EPHA6: variants seen among roughly 807,000 people sequenced by gnomAD.
EPHA6 encodes the protein EPH receptor A6, also known as ephrin type-A receptor 6.
In EPHA6, 50 loss-of-function variants were observed where a neutral mutation model predicts 112.0. The ratio of observed to expected loss-of-function variants is 0.45; its 90% confidence interval spans 0.36 to 0.56. The LOEUF (loss-of-function observed/expected upper bound fraction) is 0.56. Among genes scored for constraint, EPHA6 ranks in the 20% least tolerant of loss-of-function variants. The pLI, the probability that EPHA6 is intolerant of heterozygous loss-of-function variation, is 0.00. For synonymous variants in EPHA6, 529 were observed against 490.7 expected, an observed-to-expected ratio of 1.08 and a Z score of -1.03; for missense variants, 1,280 against 1,417.4, an observed-to-expected ratio of 0.90 and a Z score of 1.56.
intron 7 of EPHA6, among the ~76,000 whole-genome samples, chr3:97,452,113 C>T (rs1013197918): frequency 1.2e-4 from 18 of 151,848 alleles, no homozygotes; most frequent in African/African-American, 4.3e-4. Context: ...GCTACTTGTG[C>T]TATAAACATA....
intron 11 of EPHA6, among the ~76,000 whole-genome samples, chr3:97,591,761 G>A (rs963665893): frequency 6.6e-6 from 1 of 152,144 alleles, no homozygotes; most frequent in African/African-American, 2.4e-5. Context: ...TCAGAGGATA[G>A]CAATCTCCCA....
chr3:97,642,006 G>C (rs1355603097), intron 14 of EPHA6, among the ~76,000 whole-genome samples: 1 of 148,744 alleles, frequency 6.7e-6, no homozygotes, highest in Non-Finnish European at 1.5e-5. Context: ...CAAACAAAAA[G>C]ACAGCAGTAA....
chr3:97,354,818 A>T lies in EPHA6; in HGVS notation c.1607-50332A>T, dbSNP rs200260301. Among the ~76,000 whole-genome samples, 3 of 152,312 alleles carry T rather than the reference A, an allele frequency of 2.0e-5. No homozygotes were observed. In the East Asian group the frequency reaches 5.8e-4, roughly 29 times the overall value. On this transcript the variant is annotated intron_variant, in intron 5 of 17. Coordinates refer to ENST00000389672, the MANE Select transcript of EPHA6 (RefSeq NM_001080448.3). ...ATATCACAAGGCATTTAGTAATCCAACTCCCAAAGGTTGAGGATAAAGAAC... is the reference window on the plus strand; with the variant it reads ...ATATCACAAGGCATTTAGTAATCCATCTCCCAAAGGTTGAGGATAAAGAAC...
chr3:97,608,043 C>G (rs1007009519), intron 12 of EPHA6, among the ~76,000 whole-genome samples: 1 of 150,356 alleles, frequency 6.7e-6, no homozygotes, highest in African/African-American at 2.4e-5. Context: ...CTAGTTTCTT[C>G]TCTGTTGAAA....
intron 6 of EPHA6, among the ~76,000 whole-genome samples, chr3:97,431,560 G>C (rs2089507365): frequency 6.6e-6 from 1 of 152,082 alleles, no homozygotes; most frequent in East Asian, 1.9e-4. Flanking sequence ...TGATTCGTGT[G>C]ATTTTTATGG....
intron 2 of EPHA6, among the ~76,000 whole-genome samples, chr3:96,943,092 A>C (rs2041065486): frequency 6.6e-6 from 1 of 152,150 alleles, no homozygotes. Flanking sequence ...GAGATCATGC[A>C]ATATTTGTCT....
intron 11 of EPHA6, among the ~76,000 whole-genome samples, chr3:97,556,066 G>A (rs1246490454): frequency 6.6e-6 from 1 of 151,836 alleles, no homozygotes; most frequent in African/African-American, 2.4e-5. Flanking sequence ...AGGAAAACTA[G>A]GGCCAGCCCC....
intron 2 of EPHA6, among the ~76,000 whole-genome samples, chr3:96,904,608 TA>T (rs796876626): frequency 1.0e-3 from 145 of 143,902 alleles, no homozygotes; most frequent in Admixed American, 1.9e-3. Context: ...AAAGTATAAT[TA>T]AAAAAAAAAA....
intron 3 of EPHA6, among the ~76,000 whole-genome samples, chr3:97,198,328 A>T (rs1347084672): frequency 6.6e-6 from 1 of 152,100 alleles, no homozygotes; most frequent in Non-Finnish European, 1.5e-5. Context: ...CATGCAAAAA[A>T]ATGTGTGTGA....
intron 3 of EPHA6, among the ~76,000 whole-genome samples, chr3:97,044,118 C>A (rs1307301495): frequency 6.6e-6 from 1 of 152,156 alleles, no homozygotes; most frequent in Non-Finnish European, 1.5e-5. Flanking sequence ...ACCTAGAATA[C>A]CTGCTCAGGC....
At chr3:97,575,285 C>A (rs1460102232) in intron 11 of EPHA6, among the ~76,000 whole-genome samples, 4 of 151,960 alleles carry the variant, frequency 2.6e-5, no homozygotes, top group Admixed American at 2.0e-4. Flanking sequence ...TAATACTCAT[C>A]AGGAAGAAAA....
rs1254563840 is a variant in EPHA6 at position 97,201,824 on chromosome 3, G to T, written c.1115-24440G>T. On this transcript the variant is annotated intron_variant, in intron 3 of 17. Transcript: ENST00000389672. Reference sequence around the variant, plus strand: ...GTGCTGTTATATGCAGCAACACATAGGCCTTGCATTTCCCAATGCCCAGTG... The same window carrying T: ...GTGCTGTTATATGCAGCAACACATATGCCTTGCATTTCCCAATGCCCAGTG... Among the ~76,000 whole-genome samples, 3 of 152,184 alleles carry T rather than the reference G, an allele frequency of 2.0e-5. No homozygotes were observed. In the East Asian group the frequency reaches 5.8e-4, roughly 29 times the overall value.
intron 3 of EPHA6, among the ~76,000 whole-genome samples, chr3:97,147,756 C>T (rs560600729): frequency 6.6e-6 from 1 of 152,152 alleles, no homozygotes; most frequent in South Asian, 2.1e-4. Context: ...CACCCTAAGA[C>T]TGTCAAGGTC....
At chr3:97,078,093 G>A (rs1459328038) in intron 3 of EPHA6, among the ~76,000 whole-genome samples, 5 of 152,126 alleles carry the variant, frequency 3.3e-5, no homozygotes, top group Non-Finnish European at 7.3e-5. Context: ...ATTCTAACTG[G>A]TGTGAGATGG....
At chr3:96,923,967 A>G (rs1184184678) in intron 2 of EPHA6, among the ~76,000 whole-genome samples, 1 of 151,732 alleles carries the variant, frequency 6.6e-6, no homozygotes, top group African/African-American at 2.4e-5. Context: ...TGGTTTCTCT[A>G]TTCTGTGGGT....
intron 3 of EPHA6, among the ~76,000 whole-genome samples, chr3:96,999,858 A>G (rs933522290): frequency 2.0e-5 from 3 of 151,896 alleles, no homozygotes; most frequent in Non-Finnish European, 4.4e-5. Context: ...TCTCACAGAT[A>G]GTGGAGTTGA....
At chr3:97,111,070 T>G (rs1325148145) in intron 3 of EPHA6, among the ~76,000 whole-genome samples, 1 of 152,152 alleles carries the variant, frequency 6.6e-6, no homozygotes, top group African/African-American at 2.4e-5. Flanking sequence ...ATGAAAATGA[T>G]ACTGCCTAGT....
At chr3:96,934,021 T>A (rs998137029) in intron 2 of EPHA6, among the ~76,000 whole-genome samples, 1 of 152,144 alleles carries the variant, frequency 6.6e-6, no homozygotes, top group East Asian at 1.9e-4. Context: ...CAAATAAATT[T>A]GATATTTATT....
intron 3 of EPHA6, among the ~76,000 whole-genome samples, chr3:96,994,732 T>TATATAGAGAGAGAGAG (rs1170197805): frequency 6.1e-5 from 5 of 82,200 alleles, no homozygotes; most frequent in African/African-American, 1.9e-4. Flanking sequence ...TATATATATA[T>TATATAGAGAGAGAGAG]AGAGAGAGAG....
Sources: allele counts gnomAD v4.1 joint callset (sites outside exome capture counted in the v4.1 genomes callset), GRCh38; gene constraint gnomAD v4.1.1; transcripts MANE v1.5; gene names NCBI Gene and HGNC (gene_info 2026-07-23, HGNC 2026-07-21).